Variants in TASP1 observed in about 807,000 individuals in gnomAD.
TASP1 encodes the protein threonine aspartase 1.
Under a neutral mutation model 56.6 loss-of-function variants are expected in TASP1, and 16 were observed. The observed-to-expected ratio is 0.28, with a 90% CI of 0.19 to 0.43. The LOEUF (loss-of-function observed/expected upper bound fraction) is 0.43, where lower values mean the gene tolerates loss of function less well. TASP1 is among the 20% of genes least tolerant of loss of function. TASP1 has a pLI of 1.00. For synonymous variants in TASP1, 179 were observed against 184.2 expected, an observed-to-expected ratio of 0.97 and a Z score of 0.23; for missense variants, 393 against 511.6, an observed-to-expected ratio of 0.77 and a Z score of 2.24.
chr20:13,492,876 A>G (rs1229878533), intron 10 of TASP1, among the ~76,000 whole-genome samples: 2 of 152,236 alleles, frequency 1.3e-5, no homozygotes, highest in African/African-American at 4.8e-5. Context: ...ATGCGTTAGC[A>G]TTTCATAATT....
the TASP1 span, among the ~76,000 whole-genome samples, chr20:13,231,303 A>C: frequency 6.7e-4 from 102 of 152,340 alleles, no homozygotes; most frequent in Admixed American, 1.9e-3. Flanking sequence ...CAGCAAAAGA[A>C]CCAGGCTACC....
the TASP1 span, chr20:13,126,704 T>C: frequency 6.2e-7 from 1 of 1,614,028 alleles, no homozygotes; most frequent in Non-Finnish European, 8.5e-7. Context: ...TGGGACTGGA[T>C]GGGACCACTC....
At chr20:13,375,622 T>C in the TASP1 span, among the ~76,000 whole-genome samples, 1 of 152,206 alleles carries the variant, frequency 6.6e-6, no homozygotes, top group Non-Finnish European at 1.5e-5. Context: ...CTGAGTCAAA[T>C]GGTATTTCTG....
chr20:13,318,861 AG>A, the TASP1 span, among the ~76,000 whole-genome samples: 3 of 152,250 alleles, frequency 2.0e-5, no homozygotes, highest in Non-Finnish European at 4.4e-5. Context: ...AATGGTTGCC[AG>A]GGGTTGAGAA....
chr20:13,262,188 A>G, the TASP1 span, among the ~76,000 whole-genome samples: 1 of 151,966 alleles, frequency 6.6e-6, no homozygotes, highest in African/African-American at 2.4e-5. Context: ...TATTTGCTCA[A>G]AGTTTGACTT....
intron 12 of TASP1, among the ~76,000 whole-genome samples, chr20:13,424,885 G>C (rs2042566964): frequency 6.6e-6 from 1 of 152,048 alleles, no homozygotes; most frequent in Admixed American, 6.5e-5. Flanking sequence ...ACAGAGATTT[G>C]GCACAATTCT....
Position 13,593,184 on chromosome 20 carries a change from G to A in TASP1, c.283-5814C>T, listed in dbSNP as rs183523546. Among the ~76,000 whole-genome samples the A allele has an allele frequency of 2.3e-3, 357 of 152,186 alleles. 2 individuals carry two copies. Among genetic ancestry groups the A allele is most frequent in the Non-Finnish European group, 1.6e-3 (106 of 68,000 alleles). On this transcript the variant is annotated intron_variant, in intron 4 of 13. Coordinates refer to ENST00000337743, the MANE Select transcript of TASP1 (RefSeq NM_017714.3). ...TGATAATACATCATAACCAAGTAGC[G>A]TTTATTCCAGAAATGCAGGGCTGAT... is the stretch of plus-strand genomic sequence containing the variant.
At chr20:13,540,726 T>C (rs1033477003) in intron 8 of TASP1, among the ~76,000 whole-genome samples, 4 of 152,186 alleles carry the variant, frequency 2.6e-5, no homozygotes, top group African/African-American at 7.2e-5. Context: ...GGACACCACC[T>C]ATGAAGGGGC....
chr20:13,229,624 T>C, the TASP1 span, among the ~76,000 whole-genome samples: 13 of 152,360 alleles, frequency 8.5e-5, no homozygotes, highest in East Asian at 2.5e-3. Flanking sequence ...ACCATGTTAG[T>C]ATTCTTACAC....
intron 13 of TASP1, among the ~76,000 whole-genome samples, chr20:13,414,727 T>C (rs1051928171): frequency 6.6e-6 from 1 of 152,160 alleles, no homozygotes; most frequent in Non-Finnish European, 1.5e-5. Flanking sequence ...ACTGATGCCC[T>C]AATTTTGGCT....
chr20:13,580,532 C>T (rs2047082688), intron 6 of TASP1, among the ~76,000 whole-genome samples: 1 of 152,062 alleles, frequency 6.6e-6, no homozygotes, highest in East Asian at 1.9e-4. Flanking sequence ...AGATGAAGTA[C>T]AAAACACTGG....
the TASP1 span, among the ~76,000 whole-genome samples, chr20:13,241,739 T>C: frequency 3.3e-5 from 5 of 152,216 alleles, no homozygotes; most frequent in African/African-American, 1.2e-4. Context: ...CAGTTGGATT[T>C]TGGAACAGTG....
the TASP1 span, among the ~76,000 whole-genome samples, chr20:13,287,194 G>A: frequency 4.6e-5 from 7 of 152,196 alleles, no homozygotes; most frequent in Non-Finnish European, 1.0e-4. Flanking sequence ...AGATTTAATG[G>A]ACTCACAGTT....
At chr20:13,138,288 C>A in the TASP1 span, among the ~76,000 whole-genome samples, 6 of 152,170 alleles carry the variant, frequency 3.9e-5, no homozygotes, top group Non-Finnish European at 7.3e-5. Flanking sequence ...GCCACATCTC[C>A]TCAACTATTC....
chr20:13,387,250 A>G (rs2123540326), downstream of TASP1, among the ~76,000 whole-genome samples: 1 of 131,350 alleles, frequency 7.6e-6, no homozygotes, highest in East Asian at 2.2e-4. Context: ...CTGGAGTGCA[A>G]TGGCGTGATC....
intron 12 of TASP1, among the ~76,000 whole-genome samples, chr20:13,421,275 A>G (rs1401646529): frequency 2.0e-5 from 3 of 151,886 alleles, no homozygotes; most frequent in Admixed American, 6.6e-5. Context: ...GGGTTTCACC[A>G]TGTCAGCCAG....
chr20:13,469,916 C>T (rs969961918), intron 11 of TASP1, among the ~76,000 whole-genome samples: 8 of 142,112 alleles, frequency 5.6e-5, no homozygotes, highest in African/African-American at 2.0e-4. Context: ...TCAAGCTGTT[C>T]TCCTGCCTCA....
chr20:13,257,102 C>T, the TASP1 span, among the ~76,000 whole-genome samples: 4 of 152,128 alleles, frequency 2.6e-5, no homozygotes, highest in South Asian at 2.1e-4. Flanking sequence ...TGAGAAAGCT[C>T]GAGCCACAGG....
chr20:13,186,843 G>A, the TASP1 span, among the ~76,000 whole-genome samples: 26 of 152,192 alleles, frequency 1.7e-4, no homozygotes, highest in South Asian at 8.3e-4. Flanking sequence ...CAACAAAAAG[G>A]TACAAGGCAT....
Sources: gnomAD v4.1 joint callset for allele counts (sites outside exome capture counted in the v4.1 genomes callset) on GRCh38, gnomAD v4.1.1 for gene constraint, MANE v1.5 for transcripts, NCBI Gene and HGNC (gene_info 2026-07-23, HGNC 2026-07-21) for gene names.